Variants in DENND1A observed in about 807,000 individuals in gnomAD.
DENND1A encodes DENN domain containing 1A, also known as DENN domain-containing protein 1A.
In DENND1A, 51 loss-of-function variants were observed where a neutral mutation model predicts 113.7. That is an observed-to-expected ratio of 0.45 (90% CI 0.36 to 0.57). The LOEUF (loss-of-function observed/expected upper bound fraction) is 0.57, where lower values mean the gene tolerates loss of function less well. Ranked by LOEUF, DENND1A falls within the 20% of genes least tolerant of loss-of-function variation. The pLI is 0.00. For missense variants in DENND1A, 1,258 were observed against 1,395.9 expected (o/e 0.90, Z 1.57); for synonymous variants, 565 against 570.8 (o/e 0.99, Z 0.14).
chr9:123,809,539 G>A (rs558761111), intron 2 of DENND1A, among the ~76,000 whole-genome samples: 1 of 152,236 alleles, frequency 6.6e-6, no homozygotes, highest in East Asian at 1.9e-4. Flanking sequence ...ATGGCCCTGA[G>A]GAAAAGTACT....
chr9:123,449,622 AGTAACCTCACT>A (rs1302449839), intron 18 of DENND1A, among the ~76,000 whole-genome samples: 1 of 152,180 alleles, frequency 6.6e-6, no homozygotes, highest in Non-Finnish European at 1.5e-5. Flanking sequence ...TCCCTCTTAC[AGTAACCTCACT>A]GTCTAAGTCC....
intron 5 of DENND1A, among the ~76,000 whole-genome samples, chr9:123,740,103 A>T (rs2068878337): frequency 6.6e-6 from 1 of 152,214 alleles, no homozygotes; most frequent in African/African-American, 2.4e-5. Context: ...GAGCACTTAC[A>T]GTGCAATCTT....
chr9:123,592,707 G>A (rs913054827), intron 11 of DENND1A, among the ~76,000 whole-genome samples: 2 of 152,122 alleles, frequency 1.3e-5, no homozygotes, highest in Non-Finnish European at 2.9e-5. Context: ...GTCTTGCTGT[G>A]TTGTCCAGGC....
At chr9:123,833,122 C>CAAAAAAA (rs1163844269) in intron 2 of DENND1A, among the ~76,000 whole-genome samples, 1 of 27,562 alleles carries the variant, frequency 3.6e-5, no homozygotes, top group South Asian at 1.7e-3. Flanking sequence ...GACCTCATCT[C>CAAAAAAA]AAAAAAAAAA....
intron 13 of DENND1A, among the ~76,000 whole-genome samples, chr9:123,512,840 C>T (rs1018026680): frequency 1.3e-5 from 2 of 152,162 alleles, no homozygotes; most frequent in African/African-American, 4.8e-5. Context: ...TCTCAGTTTC[C>T]TAAGCTGGAA....
intron 3 of DENND1A, among the ~76,000 whole-genome samples, chr9:123,770,541 CTTAAT>C (rs770950280): frequency 5.3e-5 from 8 of 152,178 alleles, no homozygotes; most frequent in Admixed American, 1.3e-4. Context: ...CTTAGCTTAA[CTTAAT>C]TTAACTTCAG....
At chr9:123,923,398 G>C (rs1223485471) in intron 1 of DENND1A, among the ~76,000 whole-genome samples, 1 of 152,146 alleles carries the variant, frequency 6.6e-6, no homozygotes, top group Non-Finnish European at 1.5e-5. Flanking sequence ...TTCTCCTTTG[G>C]GGACAGGGAG....
intron 3 of DENND1A, among the ~76,000 whole-genome samples, chr9:123,782,277 G>A (rs1052854941): frequency 1.3e-5 from 2 of 152,090 alleles, no homozygotes; most frequent in Admixed American, 6.5e-5. Context: ...TGTTCTCAAC[G>A]CTTTACAAGT....
intron 19 of DENND1A, among the ~76,000 whole-genome samples, chr9:123,412,652 C>CT (rs1262060921): frequency 1.3e-5 from 2 of 152,224 alleles, no homozygotes; most frequent in African/African-American, 4.8e-5. Flanking sequence ...CCCTCAAACC[C>CT]TTTATCTTGA....
At chr9:123,410,749 G>C (rs968365899) in intron 20 of DENND1A, among the ~76,000 whole-genome samples, 2 of 152,230 alleles carry the variant, frequency 1.3e-5, no homozygotes, top group African/African-American at 4.8e-5. Context: ...GGACACGTGT[G>C]TTGCAGAGGG....
intron 13 of DENND1A, among the ~76,000 whole-genome samples, chr9:123,514,052 G>A (rs1002915270): frequency 2.7e-5 from 4 of 145,794 alleles, no homozygotes; most frequent in Non-Finnish European, 4.5e-5. Flanking sequence ...GGCAAGGTAG[G>A]GTTCTATTTT....
intron 19 of DENND1A, among the ~76,000 whole-genome samples, chr9:123,423,131 AGAGCCGGATGC>A (rs1281765636): frequency 6.6e-6 from 1 of 152,238 alleles, no homozygotes; most frequent in Non-Finnish European, 1.5e-5. Context: ...TCCAGATGCT[AGAGCCGGATGC>A]CCGGTGGGGT....
chr9:123,466,101 C>G (rs909034324), intron 13 of DENND1A, among the ~76,000 whole-genome samples: 15 of 152,248 alleles, frequency 9.9e-5, no homozygotes, highest in African/African-American at 3.6e-4. Context: ...CAGGTTCACA[C>G]CATTCTCCTG....
intron 10 of DENND1A, among the ~76,000 whole-genome samples, chr9:123,616,006 T>C (rs747569434): frequency 6.6e-6 from 1 of 152,206 alleles, no homozygotes; most frequent in Non-Finnish European, 1.5e-5. Flanking sequence ...CTTGGCCCAC[T>C]GCAACCTCTG....
chr9:123,461,607 T>C (rs1371799087), intron 13 of DENND1A, among the ~76,000 whole-genome samples: 1 of 152,216 alleles, frequency 6.6e-6, no homozygotes, highest in Non-Finnish European at 1.5e-5. Context: ...GAGGGCCCGA[T>C]ACATTCAAGA....
In DENND1A at chr9:123,557,553, A is replaced by G. The variant is rs189740142; in HGVS notation, c.993+17T>C. Reference sequence around the variant, plus strand: ...CCTGACCAAACACAGGCTCTGTGACATGCCAAGGCTACTCACCGGCTCGAT... The same window carrying G: ...CCTGACCAAACACAGGCTCTGTGACGTGCCAAGGCTACTCACCGGCTCGAT... On this transcript the variant is annotated intron_variant, in intron 13 of 23. Transcript: ENST00000394215. 8.7e-6 allele frequency: 14 copies of G among 1,612,936 alleles called. No homozygotes were observed. The South Asian group carries it at 1.1e-4, about 13-fold the overall frequency.
chr9:123,929,906 G>T lies in DENND1A; in HGVS notation c.-1C>A. On this transcript the variant is annotated 5_prime_UTR_variant, in exon 1 of 24. Coordinates refer to ENST00000394215, the MANE Select transcript of DENND1A (RefSeq NM_001352964.2). ...GCACTCACTTGATCCTGGAGCCCAT[G>T]GTCCCCAGGCCTCCTCATGGGCCCG... The T allele has an allele frequency of 2.9e-6, 1 of 346,458 alleles. No individual in the cohort carries two copies. Among genetic ancestry groups the T allele is most frequent in the Non-Finnish European group, 5.4e-6 (1 of 185,728 alleles). 21.5% of individuals were successfully genotyped at this position (346,458 alleles called of 1,614,324 possible). A position where few individuals can be genotyped will look rare whatever the true frequency, so the allele number is the denominator to read the frequency against.
chr9:123,925,911 G>C (rs543441422), intron 1 of DENND1A, among the ~76,000 whole-genome samples: 50 of 152,266 alleles, frequency 3.3e-4, no homozygotes, highest in African/African-American at 1.2e-3. Flanking sequence ...AACTCACTTA[G>C]AAAACTTCCT....
At chr9:123,454,894 C>T in intron 15 of DENND1A, 115 bp from the exon 16 acceptor site, 2 of 945,782 alleles carry the variant, frequency 2.1e-6, no homozygotes, top group Admixed American at 2.1e-5. Context: ...GTCTCCCAGA[C>T]TGGAGTGCAG....
Sources: allele counts gnomAD v4.1 joint callset (sites outside exome capture counted in the v4.1 genomes callset), GRCh38; gene constraint gnomAD v4.1.1; transcripts MANE v1.5; gene names NCBI Gene and HGNC (gene_info 2026-07-23, HGNC 2026-07-21).